The following IGF2R variants were observed in gnomAD, a reference collection of about 807,000 sequenced individuals.
IGF2R encodes the protein cation-independent mannose-6-phosphate receptor.
IGF2R carries 91 observed loss-of-function variants against 270.6 expected under a neutral mutation model. That is an observed-to-expected ratio of 0.34 (90% CI 0.28 to 0.40). IGF2R has a LOEUF of 0.40. Ranked by LOEUF, IGF2R falls within the 10% of genes least tolerant of loss-of-function variation. IGF2R has a pLI of 1.00. For synonymous variants in IGF2R, 1,316 were observed against 1,258.9 expected (o/e 1.05, Z -0.96); for missense variants, 2,805 against 3,188.3 (o/e 0.88, Z 2.90).
In IGF2R at chr6:159,969,175, C is replaced by T. The variant is rs1169562010; in HGVS notation, c.-72C>T. On this transcript the variant is annotated 5_prime_UTR_variant, in exon 1 of 48. Transcript: ENST00000356956. ...CGCCTTTGCCCTGGCGGCGCGACCC[C>T]GTCCCGGGCGCGGCCCCCAGCAGTC... The T allele has an allele frequency of 2.4e-5, 22 of 912,824 alleles. No individual in the cohort carries two copies. Among genetic ancestry groups the T allele is most frequent in the Non-Finnish European group, 2.6e-5 (20 of 765,040 alleles). 56.5% of individuals were successfully genotyped at this position (912,824 alleles called of 1,614,324 possible).
At chr6:160,071,243 A>G (rs1190295246) in intron 31 of IGF2R, among the ~76,000 whole-genome samples, 6 of 47,864 alleles carry the variant, frequency 1.3e-4, no homozygotes, top group African/African-American at 3.4e-4. Flanking sequence ...GGGTGTGTCG[A>G]GGCCCCTGTG....
chr6:160,045,178 T>G (rs566627318), intron 13 of IGF2R, among the ~76,000 whole-genome samples: 2 of 152,248 alleles, frequency 1.3e-5, no homozygotes, highest in Admixed American at 6.5e-5. Context: ...AGGAACTTCC[T>G]TGTTGACATG....
At chr6:160,076,390 A>G (rs966496755) in intron 36 of IGF2R, among the ~76,000 whole-genome samples, 2 of 152,218 alleles carry the variant, frequency 1.3e-5, no homozygotes, top group African/African-American at 4.8e-5. Flanking sequence ...TTAACAAGTA[A>G]CAAAAGACCC....
chr6:160,109,245 C>A lies in IGF2R; in HGVS notation c.*4161C>A, dbSNP rs1267240669. Reference sequence around the variant, plus strand: ...CATCTGGTGCCACTCAGCCCCATCCCAGAGAAAGCAGCCTTGGGATGCTGG... The same window carrying A: ...CATCTGGTGCCACTCAGCCCCATCCAAGAGAAAGCAGCCTTGGGATGCTGG... On this transcript the variant is annotated 3_prime_UTR_variant, in exon 48 of 48. Coordinates refer to ENST00000356956, the MANE Select transcript of IGF2R (RefSeq NM_000876.4). The A allele has an allele frequency of 6.6e-6, 1 of 152,132 alleles. No individual in the cohort carries two copies. The highest frequency in any genetic ancestry group is 1.5e-5 in the Non-Finnish European group (1 of 68,046). The allele number at this position is 152,132 out of a possible 1,614,324, so 9.4% of individuals were successfully genotyped here. A position where few individuals can be genotyped will look rare whatever the true frequency, so the allele number is the denominator to read the frequency against.
At chr6:160,069,190 AC>A (rs1461785747) in intron 30 of IGF2R, among the ~76,000 whole-genome samples, 1 of 152,040 alleles carries the variant, frequency 6.6e-6, no homozygotes, top group Non-Finnish European at 1.5e-5. Flanking sequence ...AACCAAGGGC[AC>A]CTCCAGGGAT....
chr6:159,987,169 G>A (rs1783900713), intron 1 of IGF2R, among the ~76,000 whole-genome samples: 2 of 152,060 alleles, frequency 1.3e-5, no homozygotes, highest in Admixed American at 1.3e-4. Flanking sequence ...TCAAACATGT[G>A]ATTTCTTAAA....
chr6:160,000,395 A>T (rs1284968855), intron 2 of IGF2R, among the ~76,000 whole-genome samples: 2 of 152,040 alleles, frequency 1.3e-5, no homozygotes, highest in African/African-American at 4.8e-5. Flanking sequence ...GAGAACTCTT[A>T]TCACGAGACA....
chr6:160,029,626 A>G lies in IGF2R; in HGVS notation c.853A>G (p.Thr285Ala), dbSNP rs1301671137. ...TGGTCACAGCCCTGCGGTGACTATT[A>G]CATTTGTTTGCCCGTCGGAGCGGAG... is the stretch of plus-strand genomic sequence containing the variant. ...CDGHSPAVTI[T>A]FVCPSERREG... is the part of the protein sequence containing the mutation. Residue 285 changes from threonine to alanine, a missense_variant, in exon 7 of 48, where the codon ACA (threonine) becomes GCA (alanine). Transcript: ENST00000356956. 6.2e-7 allele frequency: 1 copy of G among 1,613,780 alleles called. No individual in the cohort carries two copies. Among genetic ancestry groups the G allele is most frequent in the Non-Finnish European group, 8.5e-7 (1 of 1,179,770 alleles).
chr6:160,032,868 C>T, intron 8 of IGF2R, 74 bp from the exon 9 acceptor site: 1 of 1,400,700 alleles, frequency 7.1e-7, no homozygotes, highest in Non-Finnish European at 9.8e-7. Flanking sequence ...TCAGGTTTGA[C>T]TAAGTAAGAC....
chr6:160,018,823 T>C (rs191479678), intron 4 of IGF2R, among the ~76,000 whole-genome samples: 257 of 152,278 alleles, frequency 1.7e-3, no homozygotes, highest in Non-Finnish European at 3.0e-3. Flanking sequence ...AAAGCAGGGC[T>C]AAGTGGGAAG....
At chr6:159,984,940 A>G (rs1783859545) in intron 1 of IGF2R, among the ~76,000 whole-genome samples, 1 of 152,234 alleles carries the variant, frequency 6.6e-6, no homozygotes, top group African/African-American at 2.4e-5. Flanking sequence ...TAATTTATAA[A>G]TTAAACTTAA....
At position 160,032,573 on chromosome 6, in the gene IGF2R, C is replaced by G. The variant is rs747870299; in HGVS notation, c.905C>G (p.Ala302Gly). The change falls in exon 8 of 48, where the codon GCT becomes GGT. Residue 302 changes from alanine (A) to glycine (G), a missense_variant. Transcript: ENST00000356956. The part of the protein sequence containing the change: ...RREGTIPKLT[A>G]KSNCRYEIEW... ...TAGGGCACCATTCCCAAACTCACAG[C>G]TAAATCCAACTGCCGCTATGAAATT... The G allele has an allele frequency of 1.2e-6, 2 of 1,614,036 alleles. No homozygotes were observed. The highest frequency in any genetic ancestry group is 1.7e-6 in the Non-Finnish European group (2 of 1,179,958).
At chr6:160,060,860 T>A (rs1038832821) in intron 23 of IGF2R, 143 bp downstream of exon 23, 6 of 696,092 alleles carry the variant, frequency 8.6e-6, no homozygotes, top group Non-Finnish European at 1.4e-5. Flanking sequence ...GTGACATTTC[T>A]GTTATATATT....
chr6:159,995,963 A>C (rs375407722), intron 2 of IGF2R, among the ~76,000 whole-genome samples: 2 of 128,342 alleles, frequency 1.6e-5, no homozygotes, highest in East Asian at 2.2e-4. Flanking sequence ...TGGATAAACT[A>C]TCTCTTCTTT....
chr6:160,015,380 G>C (rs774713313), intron 4 of IGF2R, among the ~76,000 whole-genome samples: 74 of 152,290 alleles, frequency 4.9e-4, no homozygotes, highest in Non-Finnish European at 6.2e-4. Flanking sequence ...ACATAGTCAT[G>C]GTTCACTTGG....
intron 4 of IGF2R, among the ~76,000 whole-genome samples, chr6:160,020,058 C>G (rs1777398127): frequency 1.3e-5 from 2 of 152,150 alleles, no homozygotes; most frequent in African/African-American, 4.8e-5. Flanking sequence ...CTAGAAAACT[C>G]TAAAGTTTCC....
intron 1 of IGF2R, among the ~76,000 whole-genome samples, chr6:159,986,813 T>C (rs1165333712): frequency 6.6e-5 from 10 of 152,060 alleles, no homozygotes; most frequent in Non-Finnish European, 2.9e-5. Flanking sequence ...GTCTAGAATG[T>C]AGGCTTTTTC....
At chr6:160,065,963 C>G (rs1011755593) in intron 29 of IGF2R, among the ~76,000 whole-genome samples, 8 of 148,196 alleles carry the variant, frequency 5.4e-5, no homozygotes, top group African/African-American at 2.0e-4. Flanking sequence ...CTCAGCATCC[C>G]TAGTAGCTGG....
In IGF2R at chr6:160,050,132, A is replaced by G. The variant is rs1778160365; in HGVS notation, c.2515-341A>G. ...ATTCAGGATCTGAAGAACATCTTAC[A>G]CGATTATTGAACGAAAGCCTTATGA... On this transcript the variant is annotated intron_variant, in intron 18 of 47. Transcript: ENST00000356956. The surrounding 1 kb of genome is among the most constrained non-coding windows in gnomAD (Gnocchi z 4.0). 6.6e-6 allele frequency among the ~76,000 whole-genome samples: 1 copy of G among 152,206 alleles called. No homozygotes were observed. The highest frequency in any genetic ancestry group is 2.1e-4 in the South Asian group (1 of 4,830).
Sources: allele counts gnomAD v4.1 joint callset (sites outside exome capture counted in the v4.1 genomes callset), GRCh38; gene constraint gnomAD v4.1.1; non-coding constraint Gnocchi (gnomAD v3.1); transcripts MANE v1.5; gene names NCBI Gene and HGNC (gene_info 2026-07-23, HGNC 2026-07-21).